Variants in SLX4IP observed in about 807,000 individuals in gnomAD.
The protein encoded by SLX4IP is SLX4 interacting protein.
A neutral mutation model predicts 32.9 loss-of-function variants in SLX4IP; 34 were observed. The observed-to-expected ratio is 1.03, with a 90% CI of 0.79 to 1.38. SLX4IP has a LOEUF of 1.38. SLX4IP is among the 40% of genes most tolerant of loss of function. The probability of loss-of-function intolerance (pLI) is 0.00; values close to 1 mark genes in which losing one functional copy is unlikely to be tolerated. For missense variants in SLX4IP, 444 were observed against 479.0 expected (o/e 0.93, Z 0.68); for synonymous variants, 172 against 171.7 (o/e 1.00, Z -0.01).
intron 4 of SLX4IP, among the ~76,000 whole-genome samples, chr20:10,581,039 T>C (rs1382196216): frequency 2.0e-5 from 3 of 152,110 alleles, no homozygotes; most frequent in Non-Finnish European, 4.4e-5. Context: ...TTTTTTCTTC[T>C]GAGCCCCAAA....
At position 10,503,803 on chromosome 20, in the gene SLX4IP, C is replaced by T. The variant is rs137986510; in HGVS notation, c.27+45572C>T. ...TTGGTGTTTGTTGGCAACCCTAGGC[C>T]TTCTTGGGTTTGTAAATGCATTGCA... On this transcript the variant is annotated intron_variant, in intron 2 of 7. Coordinates refer to ENST00000334534, the MANE Select transcript of SLX4IP (RefSeq NM_001009608.3). Among the ~76,000 whole-genome samples, 469 of 152,286 alleles carry T rather than the reference C, an allele frequency of 3.1e-3. 1 individual carries two copies. The highest frequency in any genetic ancestry group is 6.2e-3 in the South Asian group (30 of 4,830).
chr20:10,591,567 C>T (rs1480310354), intron 4 of SLX4IP, among the ~76,000 whole-genome samples: 4 of 152,206 alleles, frequency 2.6e-5, no homozygotes, highest in African/African-American at 9.6e-5. Flanking sequence ...GCTTATTAAA[C>T]ATCTCTGTTT....
At chr20:10,513,399 A>G (rs1237045959) in intron 2 of SLX4IP, among the ~76,000 whole-genome samples, 1 of 152,206 alleles carries the variant, frequency 6.6e-6, no homozygotes, top group African/African-American at 2.4e-5. Flanking sequence ...TGAAATAATT[A>G]AATCTAATAA....
chr20:10,538,481 A>G (rs1247033577), intron 2 of SLX4IP, among the ~76,000 whole-genome samples: 2 of 152,102 alleles, frequency 1.3e-5, no homozygotes, highest in Non-Finnish European at 2.9e-5. Context: ...CCTCTTGATT[A>G]AGAATCTAAA....
chr20:10,556,206 T>C, intron 2 of SLX4IP, 25 bp from the exon 3 acceptor site: 1 of 1,605,836 alleles, frequency 6.2e-7, no homozygotes, highest in African/African-American at 1.3e-5. Context: ...GCACAGACAC[T>C]GACTCTGCCA....
In SLX4IP at chr20:10,574,892, C is replaced by T. The variant is rs145407696; in HGVS notation, c.238+14072C>T. 4.9e-4 allele frequency among the ~76,000 whole-genome samples: 75 copies of T among 152,158 alleles called. No individual in the cohort carries two copies. The East Asian group carries it at 0.013, about 27-fold the overall frequency. The stretch of plus-strand genomic sequence containing the variant: ...TTCTCCATGTTAGCCAGGCTGGTCT[C>T]GAACTCCTGATCTCAGGTTATCCAC... On this transcript the variant is annotated intron_variant, in intron 4 of 7. Transcript: ENST00000334534.
At chr20:10,575,846 C>T (rs1353122221) in intron 4 of SLX4IP, among the ~76,000 whole-genome samples, 2 of 151,832 alleles carry the variant, frequency 1.3e-5, no homozygotes, top group African/African-American at 4.8e-5. Context: ...AATATTAACA[C>T]CCATAAGGAA....
intron 6 of SLX4IP, among the ~76,000 whole-genome samples, chr20:10,607,444 A>T (rs2066917978): frequency 6.6e-6 from 1 of 152,256 alleles, no homozygotes; most frequent in South Asian, 2.1e-4. Flanking sequence ...AGCACTAAAT[A>T]GAACACTTCT....
intron 4 of SLX4IP, among the ~76,000 whole-genome samples, chr20:10,569,879 T>G (rs111279090): frequency 6.6e-6 from 1 of 152,190 alleles, no homozygotes; most frequent in Non-Finnish European, 1.5e-5. Flanking sequence ...ATGACCTCAT[T>G]TTAATTTAAT....
rs199583439 is a variant in SLX4IP at position 10,558,358 on chromosome 20, AAAAAC to A, written c.117+2041_117+2045del. 8.2e-4 allele frequency among the ~76,000 whole-genome samples: 123 copies of A among 150,372 alleles called. 1 individual carries two copies. Among genetic ancestry groups the A allele is most frequent in the Non-Finnish European group, 1.4e-3 (97 of 67,246 alleles). On this transcript the variant is annotated intron_variant, in intron 3 of 7. Coordinates refer to ENST00000334534, the MANE Select transcript of SLX4IP (RefSeq NM_001009608.3). ...CCCTGTCTCAAAAAAAAAAAAAAAAAAAAACAATTCGCTGATGTTAAAATTCCTCT... is the reference window on the plus strand; with the variant it reads ...CCCTGTCTCAAAAAAAAAAAAAAAAAAATTCGCTGATGTTAAAATTCCTCT...
intron 2 of SLX4IP, among the ~76,000 whole-genome samples, chr20:10,509,695 CA>C (rs1420426512): frequency 2.0e-5 from 3 of 151,166 alleles, no homozygotes; most frequent in Admixed American, 6.6e-5. Flanking sequence ...ATGATGAATA[CA>C]TTTTTTTTTT....
intron 4 of SLX4IP, among the ~76,000 whole-genome samples, chr20:10,586,599 A>G (rs1174334285): frequency 6.6e-6 from 1 of 152,180 alleles, no homozygotes; most frequent in African/African-American, 2.4e-5. Context: ...ACAGCTTGTT[A>G]ATGATAGGTA....
intron 2 of SLX4IP, among the ~76,000 whole-genome samples, chr20:10,509,425 G>C (rs1321680860): frequency 6.6e-6 from 1 of 152,132 alleles, no homozygotes; most frequent in Non-Finnish European, 1.5e-5. Context: ...GGGTGAAATT[G>C]CTCTGATTTT....
At chr20:10,448,690 G>A (rs1439570237) in intron 1 of SLX4IP, among the ~76,000 whole-genome samples, 1 of 152,182 alleles carries the variant, frequency 6.6e-6, no homozygotes, top group Non-Finnish European at 1.5e-5. Flanking sequence ...GCAGGCAGAC[G>A]ACCCCGCTGG....
intron 1 of SLX4IP, among the ~76,000 whole-genome samples, chr20:10,448,682 A>C (rs2065220110): frequency 6.6e-6 from 1 of 152,240 alleles, no homozygotes; most frequent in African/African-American, 2.4e-5. Context: ...CTGCGAGAGC[A>C]GGCAGACGAC....
rs1350814958 is a variant in SLX4IP at position 10,624,727 on chromosome 20, T to C, written c.*1348T>C. The stretch of plus-strand genomic sequence containing the variant: ...CAGAAACAGGCATAGTGTAGGTTCA[T>C]GCTTGAGATGGATTAGTGGTTTATT... On this transcript the variant is annotated 3_prime_UTR_variant, in exon 8 of 8. Coordinates refer to ENST00000334534, the MANE Select transcript of SLX4IP (RefSeq NM_001009608.3). The C allele has an allele frequency of 6.6e-6, 1 of 152,150 alleles. No individual in the cohort carries two copies. Among genetic ancestry groups the C allele is most frequent in the Non-Finnish European group, 1.5e-5 (1 of 68,032 alleles). 9.4% of individuals were successfully genotyped at this position (152,150 alleles called of 1,614,324 possible).
intron 6 of SLX4IP, among the ~76,000 whole-genome samples, chr20:10,617,654 T>TTC (rs199612559): frequency 0.027 from 3,885 of 142,698 alleles, 118 homozygotes; most frequent in African/African-American, 0.087. Context: ...CTTTCTTTCT[T>TTC]TTTTTTTTTT....
chr20:10,510,346 G>T (rs2122428309), intron 2 of SLX4IP, among the ~76,000 whole-genome samples: 1 of 152,156 alleles, frequency 6.6e-6, no homozygotes, highest in East Asian at 1.9e-4. Context: ...AAGCCCTTAG[G>T]GTGCTAAAGA....
intron 4 of SLX4IP, among the ~76,000 whole-genome samples, chr20:10,572,645 C>T (rs1190299401): frequency 6.6e-6 from 1 of 152,118 alleles, no homozygotes; most frequent in Non-Finnish European, 1.5e-5. Context: ...ATCTAAGAAA[C>T]CCAGTCCTTT....
Sources: gnomAD v4.1 joint callset for allele counts (sites outside exome capture counted in the v4.1 genomes callset) on GRCh38, gnomAD v4.1.1 for gene constraint, MANE v1.5 for transcripts, NCBI Gene and HGNC (gene_info 2026-07-23, HGNC 2026-07-21) for gene names.